The following TRAPPC8 variants were observed in gnomAD, a reference collection of about 807,000 sequenced individuals.
The protein encoded by TRAPPC8 is trafficking protein particle complex subunit 8.
TRAPPC8 carries 54 observed loss-of-function variants against 174.3 expected under a neutral mutation model. That is an observed-to-expected ratio of 0.31 (90% confidence interval 0.25 to 0.39). TRAPPC8 has a LOEUF of 0.39. Among genes scored for constraint, TRAPPC8 ranks in the 10% least tolerant of loss-of-function variants. The pLI, the probability that TRAPPC8 is intolerant of heterozygous loss-of-function variation, is 1.00. For synonymous variants in TRAPPC8, 630 were observed against 579.9 expected, an observed-to-expected ratio of 1.09 and a Z score of -1.24; for missense variants, 1,531 against 1,699.1, an observed-to-expected ratio of 0.90 and a Z score of 1.74.
intron 24 of TRAPPC8, among the ~76,000 whole-genome samples, chr18:31,851,676 AT>A (rs1427400826): frequency 6.6e-6 from 1 of 152,060 alleles, no homozygotes; most frequent in East Asian, 1.9e-4. Flanking sequence ...ACTCTTATAC[AT>A]AATTAGGATG....
At chr18:31,868,192 T>C (rs2034678102) in intron 16 of TRAPPC8, among the ~76,000 whole-genome samples, 1 of 152,180 alleles carries the variant, frequency 6.6e-6, no homozygotes, top group Non-Finnish European at 1.5e-5. Context: ...AATTGGCTCA[T>C]ACTGGAGATA....
intron 10 of TRAPPC8, 76 bp downstream of exon 10, chr18:31,900,849 G>C (rs2036388960): frequency 8.6e-7 from 1 of 1,163,696 alleles, no homozygotes. Context: ...TGGGAGTTTA[G>C]GAATGGGGAA....
At chr18:31,931,174 G>C (rs2037828952) in intron 2 of TRAPPC8, among the ~76,000 whole-genome samples, 155 bp downstream of exon 2, 1 of 152,064 alleles carries the variant, frequency 6.6e-6, no homozygotes, top group African/African-American at 2.4e-5. Flanking sequence ...TAATAAACAG[G>C]CAAAGTTCCT....
At chr18:31,885,212 T>C (rs1156968548) in intron 12 of TRAPPC8, among the ~76,000 whole-genome samples, 2 of 152,188 alleles carry the variant, frequency 1.3e-5, no homozygotes, top group Admixed American at 6.5e-5. Context: ...TAAATAAAAA[T>C]AGTCTGCCAC....
At chr18:31,882,897 G>A (rs1437840048) in intron 12 of TRAPPC8, among the ~76,000 whole-genome samples, 1 of 149,730 alleles carries the variant, frequency 6.7e-6, no homozygotes, top group Non-Finnish European at 1.5e-5. Context: ...TTACACGCAT[G>A]AGCCACCATG....
At chr18:31,934,078 T>C (rs766841553) in intron 1 of TRAPPC8, among the ~76,000 whole-genome samples, 7 of 151,730 alleles carry the variant, frequency 4.6e-5, no homozygotes, top group South Asian at 2.1e-4. Flanking sequence ...TTCCCAGCTA[T>C]TTGGAAGGCT....
chr18:31,906,364 A>G (rs930251037), intron 9 of TRAPPC8, among the ~76,000 whole-genome samples: 4 of 151,830 alleles, frequency 2.6e-5, no homozygotes, highest in Admixed American at 2.0e-4. Flanking sequence ...AGAACCAGAA[A>G]GCAATAGTAA....
At chr18:31,889,738 G>C (rs2035876156) in intron 12 of TRAPPC8, among the ~76,000 whole-genome samples, 1 of 152,110 alleles carries the variant, frequency 6.6e-6, no homozygotes, top group Non-Finnish European at 1.5e-5. Context: ...TGAACATTAA[G>C]CAAGTCCACA....
At chr18:31,913,574 G>T in intron 4 of TRAPPC8, 52 bp from the exon 5 acceptor site, 1 of 1,411,402 alleles carries the variant, frequency 7.1e-7, no homozygotes, top group Non-Finnish European at 9.4e-7. Flanking sequence ...CAGGCCTTAG[G>T]CAATAATAGA....
Position 31,910,795 on chromosome 18 carries a change from G to A in TRAPPC8, c.772-1035C>T, listed in dbSNP as rs562221840. On this transcript the variant is annotated intron_variant, in intron 5 of 28. Transcript: ENST00000283351. ...TAAGGCATAGATTTCTGATATTTCT[G>A]CTTTCTGCTAAAAGTTCTCATACTG... 3.3e-5 allele frequency among the ~76,000 whole-genome samples: 5 copies of A among 152,258 alleles called. No individual in the cohort carries two copies. In the South Asian group the frequency reaches 1.0e-3, roughly 32 times the overall value.
At chr18:31,861,430 A>C (rs1028796204) in intron 19 of TRAPPC8, among the ~76,000 whole-genome samples, 1 of 152,226 alleles carries the variant, frequency 6.6e-6, no homozygotes, top group Non-Finnish European at 1.5e-5. Context: ...CAGAGTTAAA[A>C]ATCCAAGAAG....
Position 31,852,673 on chromosome 18 carries a change from A to G in TRAPPC8, c.3434-10T>C. 6.2e-7 allele frequency: 1 copy of G among 1,610,752 alleles called. No individual in the cohort carries two copies. The highest frequency in any genetic ancestry group is 1.1e-5 in the South Asian group (1 of 90,926). Reference sequence around the variant, plus strand: ...CTGGCAAGTTTGGTATCTAGGAAGAAAAAGGGAAATTTCAAAGATGTTTCT... The same window carrying G: ...CTGGCAAGTTTGGTATCTAGGAAGAGAAAGGGAAATTTCAAAGATGTTTCT... On this transcript the variant is annotated splice_polypyrimidine_tract_variant and intron_variant, in intron 22 of 28. Coordinates refer to ENST00000283351, the MANE Select transcript of TRAPPC8 (RefSeq NM_014939.5).
intron 2 of TRAPPC8, among the ~76,000 whole-genome samples, chr18:31,921,326 T>C (rs1255718126): frequency 1.3e-5 from 2 of 151,832 alleles, no homozygotes; most frequent in African/African-American, 4.8e-5. Context: ...AATAAAGAGA[T>C]CTTTAGGTCA....
At chr18:31,887,112 G>C (rs1323806714) in intron 12 of TRAPPC8, among the ~76,000 whole-genome samples, 2 of 152,090 alleles carry the variant, frequency 1.3e-5, no homozygotes, top group African/African-American at 4.8e-5. Context: ...CAAATGTCAT[G>C]AAAAGTTGGT....
At chr18:31,832,227 A>G (rs2032416405) in intron 27 of TRAPPC8, 54 bp from the exon 28 acceptor site, 1 of 1,118,002 alleles carries the variant, frequency 8.9e-7, no homozygotes, top group Non-Finnish European at 1.2e-6. Context: ...CTTAAAAGCA[A>G]TTTTCCTGAA....
chr18:31,920,402 T>C (rs1178907887), intron 2 of TRAPPC8, among the ~76,000 whole-genome samples: 1 of 152,148 alleles, frequency 6.6e-6, no homozygotes, highest in Non-Finnish European at 1.5e-5. Context: ...ACAACAGATG[T>C]CTCATGAGAA....
intron 19 of TRAPPC8, among the ~76,000 whole-genome samples, chr18:31,859,189 A>G (rs1016044355): frequency 6.6e-6 from 1 of 152,220 alleles, no homozygotes; most frequent in Admixed American, 6.5e-5. Context: ...TATGAGTGAA[A>G]TGTTCTAATA....
In TRAPPC8 at chr18:31,832,154, T is replaced by C; in HGVS notation, c.4003A>G (p.Thr1335Ala). ...TTAGAACAATTGGAAAGTAAAAGAG[T>C]GACTGGTACTAAACAAAGGCTATGG... The part of the protein sequence containing the change: ...HQKSLCLVPV[T>A]LLLSNCSKAD... Residue 1335 changes from threonine (T) to alanine (A), a missense_variant, in exon 28 of 29, where the codon ACT (threonine) becomes GCT (alanine). By Grantham distance (58) the Thr-to-Ala change is moderately conservative. Transcript: ENST00000283351. 1 of 1,544,378 alleles carries C rather than the reference T, an allele frequency of 6.5e-7. No individual in the cohort carries two copies. Among genetic ancestry groups the C allele is most frequent in the Non-Finnish European group, 8.7e-7 (1 of 1,155,928 alleles).
rs142638306 is a variant in TRAPPC8 at position 31,892,045 on chromosome 18, G to A, written c.1597-1179C>T. ...TAATTAATGAGTGGTTCTTAAAAAC[G>A]GGTTTGTGTCAGAAATACTTAGGGG... On this transcript the variant is annotated intron_variant, in intron 11 of 28. Coordinates refer to ENST00000283351, the MANE Select transcript of TRAPPC8 (RefSeq NM_014939.5). Among the ~76,000 whole-genome samples the A allele has an allele frequency of 7.4e-3, 1,122 of 152,220 alleles. 13 individuals are homozygous for A. The highest frequency in any genetic ancestry group is 0.026 in the African/African-American group (1,059 of 41,528).
Sources: gnomAD v4.1 joint callset for allele counts (sites outside exome capture counted in the v4.1 genomes callset) on GRCh38, gnomAD v4.1.1 for gene constraint, MANE v1.5 for transcripts, NCBI Gene and HGNC (gene_info 2026-07-23, HGNC 2026-07-21) for gene names.